Variants in OPTN observed in about 807,000 individuals in gnomAD.
OPTN encodes optineurin.
In OPTN, 54 loss-of-function variants were observed where a neutral mutation model predicts 70.4. The ratio of observed to expected loss-of-function variants is 0.77; its 90% CI spans 0.62 to 0.96. The LOEUF (loss-of-function observed/expected upper bound fraction) is 0.96, where lower values mean the gene tolerates loss of function less well. Ranked by LOEUF, OPTN falls within the 40% of genes least tolerant of loss-of-function variation. OPTN has a pLI of 0.00. For synonymous variants in OPTN, 256 were observed against 248.5 expected (o/e 1.03, Z -0.28); for missense variants, 624 against 673.2 (o/e 0.93, Z 0.81).
At chr10:13,107,923 G>T (rs989735539) in intron 1 of OPTN, among the ~76,000 whole-genome samples, 1 of 152,150 alleles carries the variant, frequency 6.6e-6, no homozygotes, top group Non-Finnish European at 1.5e-5. Context: ...AAACATGTTT[G>T]CCTGGGTGGT....
In OPTN at chr10:13,126,049, GA is replaced by G. The variant is rs762189013; in HGVS notation, c.1242+17del. The G allele has an allele frequency of 1.9e-6, 3 of 1,544,948 alleles. No individual in the cohort carries two copies. The highest frequency in any genetic ancestry group is 2.7e-6 in the Non-Finnish European group (3 of 1,117,734). On this transcript the variant is annotated intron_variant, in intron 11 of 14. Transcript: ENST00000378747. Reference sequence around the variant, plus strand: ...ACTAACAAGAAAAGAGGTATTCACTGAAAAAAATTACTTCCATAGCCTAGTA... The same window carrying G: ...ACTAACAAGAAAAGAGGTATTCACTGAAAAAATTACTTCCATAGCCTAGTA...
chr10:13,119,016 T>A lies in OPTN; in HGVS notation c.755T>A (p.Val252Asp). Reference protein sequence around the residue: ...EGNQKVERLEVALKEAKERVS... With the variant: ...EGNQKVERLEDALKEAKERVS... ...AATCAGAAGGTGGAGAGACTTGAAG[T>A]TGCACTCAAGGAGGCCAAAGAAAGG... The change falls in exon 7 of 15, where the codon GTT becomes GAT. Residue 252 changes from valine to aspartate, a missense_variant. Val to Asp is a radical substitution (Grantham distance 152, BLOSUM62 -3). Transcript: ENST00000378747. 6.2e-7 allele frequency: 1 copy of A among 1,614,154 alleles called. No individual in the cohort carries two copies. The highest frequency in any genetic ancestry group is 8.5e-7 in the Non-Finnish European group (1 of 1,180,018).
chr10:13,132,803 G>C (rs1191133058), intron 13 of OPTN, among the ~76,000 whole-genome samples: 1 of 152,070 alleles, frequency 6.6e-6, no homozygotes, highest in African/African-American at 2.4e-5. Flanking sequence ...CTGACTTTTA[G>C]AAATTTATTT....
intron 1 of OPTN, among the ~76,000 whole-genome samples, chr10:13,106,113 C>G (rs1832860622): frequency 6.6e-6 from 1 of 152,080 alleles, no homozygotes; most frequent in Non-Finnish European, 1.5e-5. Context: ...TGAATATTTT[C>G]ATGGCCTTTG....
intron 4 of OPTN, among the ~76,000 whole-genome samples, chr10:13,110,787 C>T (rs1345827536): frequency 1.3e-5 from 2 of 152,124 alleles, no homozygotes; most frequent in African/African-American, 4.8e-5. Context: ...TGCCTAGAAC[C>T]AACAATTGTT....
In OPTN at chr10:13,109,245, G is replaced by A. The variant is rs11591687; in HGVS notation, c.123G>A (p.Leu41=). ...NLDTFTPEEL[L]QQMKELLTEN... ...ACACGTTTACCCCGGAGGAGCTGCT[G>A]CAGCAGATGAAAGAGCTCCTGACCG... The change falls in exon 3 of 15, where the codon CTG becomes CTA. Residue 41 remains leucine, a synonymous_variant. Transcript: ENST00000378747. The A allele has an allele frequency of 0.01, 16,143 of 1,613,908 alleles. 91 individuals are homozygous for A. The highest frequency in any genetic ancestry group is 0.012 in the Non-Finnish European group (14,266 of 1,179,884).
At chr10:13,121,604 T>C (rs189503810) in intron 7 of OPTN, among the ~76,000 whole-genome samples, 1 of 151,958 alleles carries the variant, frequency 6.6e-6, no homozygotes, top group East Asian at 1.9e-4. Context: ...GCCCCACCTT[T>C]GTCATCACTT....
In OPTN at chr10:13,118,909, C is replaced by A. The variant is rs750088207; in HGVS notation, c.648C>A (p.Ser216Arg). 6.2e-7 allele frequency: 1 copy of A among 1,614,028 alleles called. No homozygotes were observed. The highest frequency in any genetic ancestry group is 2.2e-5 in the East Asian group (1 of 44,876). ...STGTALSKYR[S>R]RSADGAKNYF... Reference sequence around the variant, plus strand: ...ACAGGGCATTGTCTAAATATAGGAGCAGATCTGCAGATGGGGCCAAGAATT... The same window carrying A: ...ACAGGGCATTGTCTAAATATAGGAGAAGATCTGCAGATGGGGCCAAGAATT... Residue 216 changes from serine to arginine, a missense_variant, in exon 7 of 15, where the codon AGC becomes AGA. Coordinates refer to ENST00000378747, the MANE Select transcript of OPTN (RefSeq NM_001008212.2).
At chr10:13,115,627 A>C (rs1471557197) in intron 5 of OPTN, among the ~76,000 whole-genome samples, 1 of 136,208 alleles carries the variant, frequency 7.3e-6, no homozygotes. Flanking sequence ...TCTATATCTA[A>C]ATATCTAAAT....
chr10:13,124,211 A>G (rs1245798145), intron 9 of OPTN, 101 bp downstream of exon 9: 3 of 683,330 alleles, frequency 4.4e-6, no homozygotes, highest in Non-Finnish European at 7.6e-6. Flanking sequence ...TATGACTAAA[A>G]GAAAAATAGA....
intron 9 of OPTN, among the ~76,000 whole-genome samples, 189 bp downstream of exon 9, chr10:13,124,299 G>T (rs115977533): frequency 6.6e-6 from 1 of 152,152 alleles, no homozygotes; most frequent in Non-Finnish European, 1.5e-5. Context: ...TAAGATGGGG[G>T]GTTGGGGACT....
At chr10:13,133,808 C>CT (rs1833642647) in intron 14 of OPTN, among the ~76,000 whole-genome samples, 2 of 151,754 alleles carry the variant, frequency 1.3e-5, no homozygotes, top group South Asian at 2.1e-4. Flanking sequence ...CACACTTTTT[C>CT]TTTTTTTTCT....
chr10:13,122,236 T>C (rs1833366245), intron 7 of OPTN, 149 bp from the exon 8 acceptor site: 1 of 646,276 alleles, frequency 1.5e-6, no homozygotes. Context: ...ATAAAACTAA[T>C]GCTAATATAG....
intron 5 of OPTN, among the ~76,000 whole-genome samples, chr10:13,113,732 C>T (rs1833061301): frequency 6.6e-6 from 1 of 152,138 alleles, no homozygotes; most frequent in Admixed American, 6.6e-5. Flanking sequence ...TAGATGGTCA[C>T]TTTCGATGAG....
chr10:13,120,319 T>G (rs1833318713), intron 7 of OPTN, among the ~76,000 whole-genome samples: 1 of 152,170 alleles, frequency 6.6e-6, no homozygotes, highest in Non-Finnish European at 1.5e-5. Context: ...ATTCTGTGGA[T>G]CGTCTTTTCC....
intron 1 of OPTN, among the ~76,000 whole-genome samples, chr10:13,102,076 G>T (rs925531731): frequency 6.6e-6 from 1 of 152,184 alleles, no homozygotes; most frequent in Non-Finnish European, 1.5e-5. Context: ...GCTCGGAGTA[G>T]GGAACAGTTC....
At chr10:13,119,591 T>C (rs1255619626) in intron 7 of OPTN, among the ~76,000 whole-genome samples, 1 of 152,230 alleles carries the variant, frequency 6.6e-6, no homozygotes, top group Non-Finnish European at 1.5e-5. Context: ...TGCTGGGTCA[T>C]ACGGTATCGC....
chr10:13,103,376 T>C (rs1005728040), intron 1 of OPTN, among the ~76,000 whole-genome samples: 2 of 152,232 alleles, frequency 1.3e-5, no homozygotes, highest in African/African-American at 4.8e-5. Flanking sequence ...TTAGCAAATT[T>C]GAAGACTTGG....
At chr10:13,121,298 C>T (rs1833343312) in intron 7 of OPTN, among the ~76,000 whole-genome samples, 1 of 151,902 alleles carries the variant, frequency 6.6e-6, no homozygotes, top group African/African-American at 2.4e-5. Flanking sequence ...CTTCTGGGTT[C>T]TTTGCTGTTG....
Sources: allele counts gnomAD v4.1 joint callset (sites outside exome capture counted in the v4.1 genomes callset), GRCh38; gene constraint gnomAD v4.1.1; transcripts MANE v1.5; gene names NCBI Gene and HGNC (gene_info 2026-07-23, HGNC 2026-07-21).